The following CCSER1 variants were observed in gnomAD, a reference collection of about 807,000 sequenced individuals.
The protein encoded by CCSER1 is serine-rich coiled-coil domain-containing protein 1.
In CCSER1, 41 loss-of-function variants were observed where a neutral mutation model predicts 82.0. The observed-to-expected ratio is 0.50, with a 90% CI of 0.39 to 0.65. The LOEUF is 0.65. Ranked by LOEUF, CCSER1 falls within the 30% of genes least tolerant of loss-of-function variation. The pLI, the probability that CCSER1 is intolerant of heterozygous loss-of-function variation, is 0.00. For synonymous variants in CCSER1, 414 were observed against 383.9 expected, an observed-to-expected ratio of 1.08 and a Z score of -0.92; for missense variants, 1,119 against 1,064.2, an observed-to-expected ratio of 1.05 and a Z score of -0.72.
intron 8 of CCSER1, among the ~76,000 whole-genome samples, chr4:90,819,906 G>A (rs1212441936): frequency 6.6e-6 from 1 of 152,132 alleles, no homozygotes; most frequent in East Asian, 1.9e-4. Context: ...CAGTGTCCTG[G>A]GATTATGTGC....
chr4:91,181,221 G>A (rs1734003385), intron 10 of CCSER1, among the ~76,000 whole-genome samples: 1 of 152,236 alleles, frequency 6.6e-6, no homozygotes, highest in Non-Finnish European at 1.5e-5. Context: ...TTTGCAAATT[G>A]ATAAATGCAA....
At chr4:90,608,674 TAC>T (rs1460313728) in intron 5 of CCSER1, among the ~76,000 whole-genome samples, 1 of 152,152 alleles carries the variant, frequency 6.6e-6, no homozygotes, top group Non-Finnish European at 1.5e-5. Flanking sequence ...AATGTAAAAT[TAC>T]ACAAATATTA....
intron 1 of CCSER1, among the ~76,000 whole-genome samples, chr4:90,288,012 CCTCT>C (rs1398003763): frequency 6.6e-6 from 1 of 151,722 alleles, no homozygotes; most frequent in Non-Finnish European, 1.5e-5. Flanking sequence ...TTCTCTCATC[CCTCT>C]ATCAATAAAC....
intron 3 of CCSER1, among the ~76,000 whole-genome samples, chr4:90,386,513 C>T (rs1476212886): frequency 6.6e-6 from 1 of 152,026 alleles, no homozygotes. Flanking sequence ...GGATTAAAGA[C>T]AAATATATGA....
At chr4:90,190,315 C>G (rs559485683) in intron 1 of CCSER1, among the ~76,000 whole-genome samples, 3 of 152,194 alleles carry the variant, frequency 2.0e-5, no homozygotes, top group African/African-American at 7.2e-5. Flanking sequence ...CTGGGACAGG[C>G]ATTGTACAGA....
intron 3 of CCSER1, among the ~76,000 whole-genome samples, chr4:90,365,146 GT>G (rs1746055624): frequency 1.3e-5 from 2 of 151,842 alleles, no homozygotes; most frequent in Admixed American, 6.6e-5. Flanking sequence ...TGAGTTTGAA[GT>G]TTAGTGTGTG....
chr4:90,922,780 C>T (rs1728567056), intron 8 of CCSER1, among the ~76,000 whole-genome samples: 1 of 152,088 alleles, frequency 6.6e-6, no homozygotes, highest in Admixed American at 6.6e-5. Context: ...AAAGCACAGT[C>T]AGATTAGTTT....
intron 5 of CCSER1, among the ~76,000 whole-genome samples, chr4:90,617,693 G>A (rs1721544005): frequency 6.6e-6 from 1 of 152,066 alleles, no homozygotes; most frequent in African/African-American, 2.4e-5. Flanking sequence ...TGTAGTATTT[G>A]TCTATGTTGG....
intron 8 of CCSER1, among the ~76,000 whole-genome samples, chr4:90,824,972 G>A (rs953914129): frequency 5.9e-5 from 9 of 152,142 alleles, no homozygotes; most frequent in African/African-American, 2.2e-4. Context: ...CAGATGTAGA[G>A]TGTGAATGTG....
intron 1 of CCSER1, among the ~76,000 whole-genome samples, chr4:90,210,173 C>T (rs1205558860): frequency 1.3e-5 from 2 of 152,130 alleles, no homozygotes; most frequent in Non-Finnish European, 2.9e-5. Flanking sequence ...GGAAATTGAG[C>T]AGTCATTTCC....
At chr4:90,537,923 C>T (rs1161819805) in intron 5 of CCSER1, among the ~76,000 whole-genome samples, 1 of 152,056 alleles carries the variant, frequency 6.6e-6, no homozygotes, top group Non-Finnish European at 1.5e-5. Context: ...ACTTCTCTCA[C>T]CATTTTTTCT....
intron 9 of CCSER1, among the ~76,000 whole-genome samples, chr4:90,956,768 T>C (rs1190407922): frequency 3.5e-5 from 2 of 57,434 alleles, no homozygotes; most frequent in Non-Finnish European, 8.7e-5. Flanking sequence ...TTCCTCTTCT[T>C]TTTTTTTTTT....
chr4:91,237,389 A>C (rs1344484837), intron 10 of CCSER1, among the ~76,000 whole-genome samples: 1 of 150,786 alleles, frequency 6.6e-6, no homozygotes, highest in Non-Finnish European at 1.5e-5. Flanking sequence ...GCCTTTATAT[A>C]TATATATAAA....
intron 1 of CCSER1, among the ~76,000 whole-genome samples, chr4:90,159,498 T>C (rs896661309): frequency 3.3e-5 from 5 of 152,200 alleles, no homozygotes; most frequent in Non-Finnish European, 7.3e-5. Flanking sequence ...GACAGTTGTT[T>C]CCTTACTAGA....
chr4:90,741,010 C>G (rs1303683751), intron 7 of CCSER1, among the ~76,000 whole-genome samples: 1 of 152,092 alleles, frequency 6.6e-6, no homozygotes, highest in Admixed American at 6.5e-5. Flanking sequence ...AGGATATATA[C>G]ATTTGGATTG....
intron 8 of CCSER1, among the ~76,000 whole-genome samples, chr4:90,835,680 C>G (rs1000665293): frequency 6.6e-5 from 10 of 152,238 alleles, no homozygotes; most frequent in Non-Finnish European, 1.3e-4. Context: ...TCAATAGCAC[C>G]TGGAATTTTC....
chr4:90,789,202 A>G lies in CCSER1; in HGVS notation c.2011-26560A>G, dbSNP rs142743277. 1.1e-3 allele frequency among the ~76,000 whole-genome samples: 175 copies of G among 152,254 alleles called. 1 individual carries two copies. Among genetic ancestry groups the G allele is most frequent in the Non-Finnish European group, 2.1e-3 (140 of 68,026 alleles). The stretch of plus-strand genomic sequence containing the variant: ...CCAGAGCAGCTTTGATAATGTCAAC[A>G]GTGACTTACTTTTTTAATAAGCCTG... On this transcript the variant is annotated intron_variant, in intron 7 of 10. Transcript: ENST00000509176.
Position 91,538,698 on chromosome 4 carries a change from C to CATATATTATATATATATATAT in CCSER1, c.2218-59868_2218-59867insTATATATATATATATATATAT. ...ATATATGATATATATTATATATACA[C>CATATATTATATATATATATAT]ATATATATATATAATATCTCAGTGC... On this transcript the variant is annotated intron_variant, in intron 10 of 10. Coordinates refer to ENST00000509176, the MANE Select transcript of CCSER1 (RefSeq NM_001145065.2). Among the ~76,000 whole-genome samples, 402 of 138,316 alleles carry CATATATTATATATATATATAT rather than the reference C, an allele frequency of 2.9e-3. 4 individuals are homozygous for CATATATTATATATATATATAT. The highest frequency in any genetic ancestry group is 0.01 in the African/African-American group (372 of 36,392). 90.7% of individuals were successfully genotyped at this position (138,316 alleles called of 152,430 possible). A position where few individuals can be genotyped will look rare whatever the true frequency, so the allele number is the denominator to read the frequency against.
intron 10 of CCSER1, among the ~76,000 whole-genome samples, chr4:91,262,918 A>T (rs1741305451): frequency 6.6e-6 from 1 of 151,736 alleles, no homozygotes; most frequent in Non-Finnish European, 1.5e-5. Context: ...GCGCAGCCTG[A>T]CTCACTTTAC....
Sources: gnomAD v4.1 joint callset for allele counts (sites outside exome capture counted in the v4.1 genomes callset) on GRCh38, gnomAD v4.1.1 for gene constraint, MANE v1.5 for transcripts, NCBI Gene and HGNC (gene_info 2026-07-23, HGNC 2026-07-21) for gene names.